EZH2: variants seen among roughly 807,000 people sequenced by gnomAD.
EZH2 encodes histone-lysine N-methyltransferase EZH2.
Under a neutral mutation model 98.4 loss-of-function variants are expected in EZH2, and 18 were observed. That is an observed-to-expected ratio of 0.18 (90% CI 0.13 to 0.27). EZH2 has a LOEUF of 0.27. Among genes scored for constraint, EZH2 ranks in the 10% least tolerant of loss-of-function variants. The probability of loss-of-function intolerance (pLI) is 1.00; values close to 1 mark genes in which losing one functional copy is unlikely to be tolerated. For synonymous variants in EZH2, 338 were observed against 312.3 expected, an observed-to-expected ratio of 1.08 and a Z score of -0.87; for missense variants, 470 against 935.1, an observed-to-expected ratio of 0.50 and a Z score of 6.49.
At chr7:148,877,707 T>C (rs1250852749) in intron 1 of EZH2, among the ~76,000 whole-genome samples, 8 of 152,180 alleles carry the variant, frequency 5.3e-5, no homozygotes, top group Non-Finnish European at 1.2e-4. Flanking sequence ...ATGCATACTA[T>C]TACCACTCTG....
intron 3 of EZH2, among the ~76,000 whole-genome samples, chr7:148,833,982 T>C (rs1383796941): frequency 2.6e-5 from 4 of 152,196 alleles, no homozygotes. Flanking sequence ...CAATCTATGA[T>C]GACAGCGATT....
chr7:148,811,097 C>T (rs1018616312), intron 16 of EZH2, among the ~76,000 whole-genome samples: 1 of 152,098 alleles, frequency 6.6e-6, no homozygotes, highest in Non-Finnish European at 1.5e-5. Context: ...TGTCCCTAGA[C>T]GAGAAAAACT....
At chr7:148,856,539 A>T (rs1197416954) in intron 1 of EZH2, among the ~76,000 whole-genome samples, 1 of 152,234 alleles carries the variant, frequency 6.6e-6, no homozygotes, top group Non-Finnish European at 1.5e-5. Flanking sequence ...CCTGCACCCA[A>T]GACTTTTGTT....
chr7:148,815,884 T>C (rs571799540), intron 12 of EZH2, among the ~76,000 whole-genome samples: 1 of 152,318 alleles, frequency 6.6e-6, no homozygotes, highest in South Asian at 2.1e-4. Context: ...ATTTCAGGCA[T>C]CATAAACCAA....
chr7:148,842,612 T>C (rs1417741616), intron 3 of EZH2, among the ~76,000 whole-genome samples: 1 of 152,032 alleles, frequency 6.6e-6, no homozygotes, highest in African/African-American at 2.4e-5. Context: ...AACTTAAGAA[T>C]AAAAGAAATA....
chr7:148,859,505 AAAC>A (rs71529644), intron 1 of EZH2, among the ~76,000 whole-genome samples: 4,013 of 150,274 alleles, frequency 0.027, 65 homozygotes, highest in Non-Finnish European at 0.033. Context: ...TCTGTCTCAA[AAAC>A]AACAACAACA....
chr7:148,866,356 T>C (rs866921704), intron 1 of EZH2, among the ~76,000 whole-genome samples: 1 of 151,804 alleles, frequency 6.6e-6, no homozygotes, highest in Admixed American at 6.6e-5. Flanking sequence ...TGAATGCCCT[T>C]ATACAAGAGT....
chr7:148,816,656 T>C, intron 12 of EZH2, 28 bp downstream of exon 12: 1 of 1,567,992 alleles, frequency 6.4e-7, no homozygotes, highest in Non-Finnish European at 8.8e-7. Context: ...TATGTTGACT[T>C]CTCTAAGGAG....
At chr7:148,809,567 C>T (rs1802454974) in intron 17 of EZH2, among the ~76,000 whole-genome samples, 177 bp from the exon 18 acceptor site, 1 of 151,636 alleles carries the variant, frequency 6.6e-6, no homozygotes, top group Non-Finnish European at 1.5e-5. Flanking sequence ...ACTATTGTTC[C>T]AGGTTAAAAT....
rs562331683 is a variant in EZH2 at position 148,828,431 on chromosome 7, G to C, written c.625+309C>G. The stretch of plus-strand genomic sequence containing the variant: ...CAGCTCAATGCAGCCTACACCTCCT[G>C]GGCTCAAGCAATCACCCTGTCTCAT... On this transcript the variant is annotated intron_variant, in intron 6 of 19. Coordinates refer to ENST00000320356, the MANE Select transcript of EZH2 (RefSeq NM_004456.5). Among the ~76,000 whole-genome samples, 4 of 152,080 alleles carry C rather than the reference G, an allele frequency of 2.6e-5. No individual in the cohort carries two copies. The South Asian group carries it at 6.3e-4, about 24-fold the overall frequency.
At chr7:148,841,563 A>G (rs1812446903) in intron 3 of EZH2, among the ~76,000 whole-genome samples, 2 of 152,324 alleles carry the variant, frequency 1.3e-5, no homozygotes, top group Middle Eastern at 3.4e-3. Context: ...GCTTTCTGCC[A>G]TATTTGCTCA....
chr7:148,807,827 A>C lies in EZH2; in HGVS notation c.2196-121T>G, dbSNP rs1035537589. On this transcript the variant is annotated intron_variant, in intron 19 of 19. Coordinates refer to ENST00000320356, the MANE Select transcript of EZH2 (RefSeq NM_004456.5). Reference sequence around the variant, plus strand: ...TTAAAATGTCTTTAAAAAAAAAAAAAAAAAAAAAACCCATCCAATTACACA... The same window carrying C: ...TTAAAATGTCTTTAAAAAAAAAAAACAAAAAAAAACCCATCCAATTACACA... 266 of 671,564 alleles carry C rather than the reference A, an allele frequency of 4.0e-4. 2 individuals carry two copies. Among genetic ancestry groups the C allele is most frequent in the African/African-American group, 2.5e-3 (136 of 54,758 alleles). 41.6% of individuals were successfully genotyped at this position (671,564 alleles called of 1,614,324 possible). A position where few individuals can be genotyped will look rare whatever the true frequency, so the allele number is the denominator to read the frequency against.
chr7:148,811,515 T>C (rs1803086083), intron 16 of EZH2, 110 bp downstream of exon 16: 5 of 833,576 alleles, frequency 6.0e-6, no homozygotes, highest in East Asian at 5.4e-5. Flanking sequence ...AGGCAGTTTA[T>C]GGCAATTCAT....
At chr7:148,866,547 TATATATAC>T (rs1163154571) in intron 1 of EZH2, among the ~76,000 whole-genome samples, 4 of 100,402 alleles carry the variant, frequency 4.0e-5, no homozygotes, top group East Asian at 3.4e-4. Context: ...CGTATATACA[TATATATAC>T]ATATATACAT....
intron 1 of EZH2, among the ~76,000 whole-genome samples, chr7:148,856,482 G>A (rs981340723): frequency 5.9e-5 from 9 of 152,172 alleles, no homozygotes; most frequent in Non-Finnish European, 8.8e-5. Flanking sequence ...CTGTCCAACA[G>A]AGGGCCTGGA....
intron 1 of EZH2, among the ~76,000 whole-genome samples, chr7:148,867,093 G>C (rs568118608): frequency 1.3e-5 from 2 of 151,626 alleles, no homozygotes; most frequent in East Asian, 2.0e-4. Context: ...TTGGGAAGCC[G>C]AGGCAGGCAG....
intron 1 of EZH2, among the ~76,000 whole-genome samples, chr7:148,851,870 C>CA (rs1399601426): frequency 1.4e-4 from 21 of 151,958 alleles, no homozygotes; most frequent in African/African-American, 4.8e-4. Flanking sequence ...GACCCTGTCT[C>CA]AAAAAAAGTA....
rs549919101 is a variant in EZH2 at position 148,881,951 on chromosome 7, T to C, written c.-8+2213A>G. Among the ~76,000 whole-genome samples, 876 of 109,822 alleles carry C rather than the reference T, an allele frequency of 8.0e-3. 14 individuals carry two copies. Among genetic ancestry groups the C allele is most frequent in the African/African-American group, 0.031 (824 of 26,444 alleles). The allele number at this position is 109,822 out of a possible 152,430, so 72.0% of individuals were successfully genotyped here. On this transcript the variant is annotated intron_variant, in intron 1 of 19. Coordinates refer to ENST00000320356, the MANE Select transcript of EZH2 (RefSeq NM_004456.5). ...TCTGTCTCAAAAAAAAAAAAACATA[T>C]ACACACACACACACGCGCGCGCACA...
chr7:148,817,909 T>G lies in EZH2; in HGVS notation c.1208A>C (p.Glu403Ala). ...GCTCGAAGTTTCATCTTTCTTCTCTTCTTCTTCTTTATCATTGTTCTCTCC... is the reference window on the plus strand; with the variant it reads ...GCTCGAAGTTTCATCTTTCTTCTCTGCTTCTTCTTTATCATTGTTCTCTCC... ...TGGENNDKEE[E>A]EKKDETSSSS... is the part of the protein sequence containing the mutation. Residue 403 changes from glutamate to alanine, a missense_variant, in exon 10 of 20, where the codon GAA (glutamate) becomes GCA (alanine). Physicochemically the swap from Glu to Ala is moderately radical, Grantham distance 107. Around this residue, in one of 6 missense-constraint regions of EZH2, gnomAD observed 192 missense variants for 306.8 expected, o/e 0.63. Transcript: ENST00000320356. The G allele has an allele frequency of 6.2e-7, 1 of 1,614,212 alleles. No homozygotes were observed. The highest frequency in any genetic ancestry group is 8.5e-7 in the Non-Finnish European group (1 of 1,180,030).
Sources: gnomAD v4.1 joint callset for allele counts (sites outside exome capture counted in the v4.1 genomes callset) on GRCh38, gnomAD v4.1.1 for gene constraint, gnomAD v4.1.1 regional missense constraint, MANE v1.5 for transcripts, NCBI Gene and HGNC (gene_info 2026-07-23, HGNC 2026-07-21) for gene names.